The following KANSL1L variants were observed in gnomAD, a reference collection of about 807,000 sequenced individuals.
KANSL1L encodes KAT8 regulatory NSL complex subunit 1-like protein.
In KANSL1L, 25 loss-of-function variants were observed where a neutral mutation model predicts 108.6. The observed-to-expected ratio is 0.23, with a 90% CI of 0.17 to 0.32. KANSL1L has a LOEUF of 0.32. Ranked by LOEUF, KANSL1L falls within the 10% of genes least tolerant of loss-of-function variation. KANSL1L has a pLI of 1.00. For synonymous variants in KANSL1L, 405 were observed against 395.1 expected, an observed-to-expected ratio of 1.03 and a Z score of -0.30; for missense variants, 1,137 against 1,125.7, an observed-to-expected ratio of 1.01 and a Z score of -0.14.
chr2:210,154,267 A>T lies in KANSL1L; in HGVS notation c.316T>A (p.Cys106Ser), dbSNP rs768052331. 6 of 1,613,926 alleles carry T rather than the reference A, an allele frequency of 3.7e-6. No individual in the cohort carries two copies. The highest frequency in any genetic ancestry group is 5.1e-6 in the Non-Finnish European group (6 of 1,179,916). Residue 106 changes from cysteine (C) to serine (S), a missense_variant, in exon 2 of 15, where the codon TGC (cysteine) becomes AGC (serine). Coordinates refer to ENST00000281772, the MANE Select transcript of KANSL1L (RefSeq NM_152519.4). The stretch of plus-strand genomic sequence containing the variant: ...TACAGTATGTTTTTCAGCTTATTGC[A>T]ACTGGGCTCCCCTAATTTCTTTTGT... ...YKQKKLGEPS[C>S]NKLKNILYNG...
chr2:210,048,802 G>C (rs1046344097), intron 6 of KANSL1L, among the ~76,000 whole-genome samples: 1 of 151,858 alleles, frequency 6.6e-6, no homozygotes, highest in Non-Finnish European at 1.5e-5. Context: ...AGCTTCTGTT[G>C]AGAGTTTATT....
intron 1 of KANSL1L, among the ~76,000 whole-genome samples, chr2:210,169,740 G>A (rs775705391): frequency 6.6e-6 from 1 of 152,148 alleles, no homozygotes; most frequent in Non-Finnish European, 1.5e-5. Context: ...GATCTAAGTA[G>A]GTGGAAACTG....
chr2:210,096,613 T>A, intron 5 of KANSL1L: 3 of 985,370 alleles, frequency 3.0e-6, no homozygotes, highest in Non-Finnish European at 3.6e-6. Flanking sequence ...ACAATGCTTA[T>A]ACACCAATTT....
intron 6 of KANSL1L, among the ~76,000 whole-genome samples, chr2:210,066,110 C>T (rs1347182329): frequency 1.3e-5 from 2 of 152,202 alleles, no homozygotes; most frequent in Non-Finnish European, 2.9e-5. Context: ...AAATCCTACA[C>T]TGTATCACTT....
At chr2:210,036,745 C>T (rs533227081) in intron 8 of KANSL1L, among the ~76,000 whole-genome samples, 3 of 152,172 alleles carry the variant, frequency 2.0e-5, no homozygotes, top group Non-Finnish European at 2.9e-5. Flanking sequence ...GTGTGCCTAA[C>T]ACGTTTAACT....
intron 8 of KANSL1L, among the ~76,000 whole-genome samples, chr2:210,033,491 C>G (rs1190019931): frequency 6.6e-6 from 1 of 152,166 alleles, no homozygotes; most frequent in African/African-American, 2.4e-5. Flanking sequence ...CTCCACTCTT[C>G]TGAAAACATC....
intron 5 of KANSL1L, among the ~76,000 whole-genome samples, chr2:210,087,013 CTTTT>C (rs928573633): frequency 4.6e-5 from 7 of 151,152 alleles, no homozygotes; most frequent in East Asian, 1.9e-4. Context: ...ACTCCTGTTC[CTTTT>C]TTTATTTTTT....
Position 210,093,338 on chromosome 2 carries a change from G to A in KANSL1L, c.1550+4748C>T, listed in dbSNP as rs571821215. 4.1e-4 allele frequency among the ~76,000 whole-genome samples: 63 copies of A among 152,246 alleles called. 1 individual carries two copies. In the South Asian group the frequency reaches 4.8e-3, roughly 12 times the overall value. On this transcript the variant is annotated intron_variant, in intron 5 of 14. Coordinates refer to ENST00000281772, the MANE Select transcript of KANSL1L (RefSeq NM_152519.4). The stretch of plus-strand genomic sequence containing the variant: ...TTTTTGTATTTTTAGTAGAGGCGGG[G>A]TTTTGCCACGTTGGCCAGGCTGGTC...
chr2:210,073,664 A>G (rs1025219184), intron 6 of KANSL1L, among the ~76,000 whole-genome samples: 3 of 152,170 alleles, frequency 2.0e-5, no homozygotes, highest in African/African-American at 7.2e-5. Context: ...ATCATTACAG[A>G]AAGTTCTATG....
Position 210,028,841 on chromosome 2 carries a change from A to AT in KANSL1L, c.2396+3dup. 6.4e-7 allele frequency: 1 copy of AT among 1,570,430 alleles called. No homozygotes were observed. Among genetic ancestry groups the AT allele is most frequent in the Non-Finnish European group, 8.7e-7 (1 of 1,149,984 alleles). ...GAAAAATATGAAGATGTAAGTATAC[A>AT]TACCTTGGAGTAAGTATTTCCTTAT... On this transcript the variant is annotated splice_donor_region_variant and intron_variant, in intron 11 of 14. Coordinates refer to ENST00000281772, the MANE Select transcript of KANSL1L (RefSeq NM_152519.4).
At chr2:210,113,767 A>G (rs2094930067) in intron 3 of KANSL1L, among the ~76,000 whole-genome samples, 1 of 152,220 alleles carries the variant, frequency 6.6e-6, no homozygotes, top group Non-Finnish European at 1.5e-5. Context: ...GAAATTCTAG[A>G]GCTGAAAAGT....
At chr2:210,060,252 T>C (rs1350487343) in intron 6 of KANSL1L, among the ~76,000 whole-genome samples, 1 of 152,210 alleles carries the variant, frequency 6.6e-6, no homozygotes, top group East Asian at 1.9e-4. Flanking sequence ...CTCAGCATTA[T>C]GATTTGAGAA....
Position 210,104,159 on chromosome 2 carries a change from T to C in KANSL1L, c.1373A>G (p.Asp458Gly), listed in dbSNP as rs2094823480. ...AGGGCTGCTTGGTGACATTTCAAAA[T>C]CTTGTTCCGGTACAGGATCTTGACA... ...QECQDPVPEQDFEMSPSSPTL... is the reference protein window; with the variant it reads ...QECQDPVPEQGFEMSPSSPTL... Residue 458 changes from aspartate (D) to glycine (G), a missense_variant, in exon 4 of 15, where the codon GAT becomes GGT. Physicochemically the swap from Asp to Gly is moderately conservative, Grantham distance 94 (BLOSUM62 -1). Around this residue, in one of 3 missense-constraint regions of KANSL1L, gnomAD observed 556 missense variants for 537.7 expected, o/e 1.03. Coordinates refer to ENST00000281772, the MANE Select transcript of KANSL1L (RefSeq NM_152519.4). The C allele has an allele frequency of 1.2e-6, 2 of 1,613,950 alleles. No individual in the cohort carries two copies. The highest frequency in any genetic ancestry group is 1.7e-6 in the Non-Finnish European group (2 of 1,179,958).
intron 12 of KANSL1L, among the ~76,000 whole-genome samples, chr2:210,025,689 G>C (rs2093926903): frequency 6.6e-6 from 1 of 152,116 alleles, no homozygotes; most frequent in African/African-American, 2.4e-5. Context: ...CCTGTAAAAG[G>C]GGAGTCAAAA....
chr2:210,155,893 C>G (rs1575634742), intron 1 of KANSL1L, among the ~76,000 whole-genome samples: 1 of 152,132 alleles, frequency 6.6e-6, no homozygotes. Flanking sequence ...CTAGTTATAA[C>G]TCTACTTCCT....
intron 3 of KANSL1L, among the ~76,000 whole-genome samples, chr2:210,111,413 T>C (rs1167641920): frequency 1.3e-5 from 2 of 152,180 alleles, no homozygotes; most frequent in African/African-American, 4.8e-5. Flanking sequence ...ATTTGACTTA[T>C]ATGAAATTCT....
At chr2:210,046,948 A>G (rs1249987281) in intron 6 of KANSL1L, among the ~76,000 whole-genome samples, 1 of 152,180 alleles carries the variant, frequency 6.6e-6, no homozygotes, top group Non-Finnish European at 1.5e-5. Flanking sequence ...AGCAGAACCC[A>G]TAATGTACGG....
intron 6 of KANSL1L, among the ~76,000 whole-genome samples, chr2:210,071,516 C>T (rs979488839): frequency 1.3e-5 from 2 of 151,996 alleles, no homozygotes; most frequent in Non-Finnish European, 2.9e-5. Context: ...TGATCCACCC[C>T]CCTCGGCCTC....
At chr2:210,148,525 G>A (rs1443326912) in intron 2 of KANSL1L, among the ~76,000 whole-genome samples, 1 of 152,102 alleles carries the variant, frequency 6.6e-6, no homozygotes, top group Non-Finnish European at 1.5e-5. Flanking sequence ...ACAGTGGAAG[G>A]ACTATATCTT....
Sources: allele counts gnomAD v4.1 joint callset (sites outside exome capture counted in the v4.1 genomes callset), GRCh38; gene constraint gnomAD v4.1.1; regional missense constraint gnomAD v4.1.1; transcripts MANE v1.5; gene names NCBI Gene and HGNC (gene_info 2026-07-23, HGNC 2026-07-21).